The following TOX2 variants were observed in gnomAD, a reference collection of about 807,000 sequenced individuals.
TOX2 encodes granulosa cell HMG box 1.
A neutral mutation model predicts 47.4 loss-of-function variants in TOX2; 15 were observed. That is an observed-to-expected ratio of 0.32 (90% CI 0.21 to 0.49). TOX2 has a LOEUF of 0.49. Among genes scored for constraint, TOX2 ranks in the 20% least tolerant of loss-of-function variants. The probability of loss-of-function intolerance (pLI) is 0.99; values close to 1 mark genes in which losing one functional copy is unlikely to be tolerated. For synonymous variants in TOX2, 290 were observed against 296.6 expected, an observed-to-expected ratio of 0.98 and a Z score of 0.23; for missense variants, 622 against 673.1, an observed-to-expected ratio of 0.92 and a Z score of 0.84.
chr20:44,002,256 A>G (rs1167445621), intron 2 of TOX2, among the ~76,000 whole-genome samples: 1 of 152,126 alleles, frequency 6.6e-6, no homozygotes, highest in East Asian at 1.9e-4. Context: ...ATAGTATCAT[A>G]ATATTCATGA....
intron 3 of TOX2, among the ~76,000 whole-genome samples, chr20:44,017,765 A>G (rs1322628083): frequency 6.6e-6 from 1 of 152,208 alleles, no homozygotes; most frequent in Non-Finnish European, 1.5e-5. Context: ...TTGCCATTTT[A>G]CAGATGAGAA....
chr20:43,920,384 G>A (rs1408392840), intron 1 of TOX2, among the ~76,000 whole-genome samples: 3 of 152,296 alleles, frequency 2.0e-5, no homozygotes, highest in African/African-American at 2.4e-5. Context: ...AGGCCTGCCC[G>A]GCATACTTGG....
chr20:43,926,229 C>G (rs1222225132), intron 1 of TOX2, among the ~76,000 whole-genome samples: 1 of 152,108 alleles, frequency 6.6e-6, no homozygotes, highest in Non-Finnish European at 1.5e-5. Flanking sequence ...ATTTATTCTG[C>G]AAATATTTCC....
chr20:43,928,997 A>AAAAAACAAC (rs540054093), intron 1 of TOX2, among the ~76,000 whole-genome samples: 6 of 149,674 alleles, frequency 4.0e-5, no homozygotes, highest in African/African-American at 1.5e-4. Flanking sequence ...AAAAAAAAAA[A>AAAAAACAAC]AACAACAACA....
At chr20:43,982,798 A>T (rs1331252330) in intron 2 of TOX2, among the ~76,000 whole-genome samples, 1 of 151,124 alleles carries the variant, frequency 6.6e-6, no homozygotes, top group Non-Finnish European at 1.5e-5. Flanking sequence ...TTATAGGGAC[A>T]ATCAGCAGGG....
At chr20:43,917,725 G>A (rs1351135425) in intron 1 of TOX2, among the ~76,000 whole-genome samples, 1 of 152,122 alleles carries the variant, frequency 6.6e-6, no homozygotes, top group Non-Finnish European at 1.5e-5. Context: ...TCTTTTGTTT[G>A]AGAAAATGCA....
chr20:43,919,616 C>T (rs914294357), intron 1 of TOX2, among the ~76,000 whole-genome samples: 4 of 152,138 alleles, frequency 2.6e-5, no homozygotes, highest in African/African-American at 9.7e-5. Flanking sequence ...GAACCCATCA[C>T]CTAGGAGTTA....
At chr20:43,925,097 G>A (rs1391765723) in intron 1 of TOX2, among the ~76,000 whole-genome samples, 1 of 152,166 alleles carries the variant, frequency 6.6e-6, no homozygotes, top group Non-Finnish European at 1.5e-5. Flanking sequence ...TCTCTTTGAA[G>A]ATGGTAATTC....
At chr20:43,931,557 G>T (rs546909360) in intron 1 of TOX2, among the ~76,000 whole-genome samples, 32 of 152,214 alleles carry the variant, frequency 2.1e-4, no homozygotes, top group Non-Finnish European at 4.3e-4. Context: ...GCTCCCTGGG[G>T]CTGGGCTGCC....
intron 1 of TOX2, among the ~76,000 whole-genome samples, chr20:43,924,666 G>A (rs1307090761): frequency 6.6e-6 from 1 of 152,336 alleles, no homozygotes; most frequent in African/African-American, 2.4e-5. Flanking sequence ...GTCACCTGTA[G>A]CCATAACATA....
At chr20:43,961,695 A>G (rs2145429906) in intron 1 of TOX2, among the ~76,000 whole-genome samples, 1 of 152,242 alleles carries the variant, frequency 6.6e-6, no homozygotes, top group South Asian at 2.1e-4. Flanking sequence ...CTTCTGAGCC[A>G]GACTGTGGGT....
chr20:44,014,601 A>G (rs1480707095), intron 3 of TOX2, among the ~76,000 whole-genome samples: 1 of 152,170 alleles, frequency 6.6e-6, no homozygotes, highest in East Asian at 1.9e-4. Context: ...CAAGGGGTTG[A>G]TCCTCCCTGA....
At chr20:44,019,975 C>T (rs529635379) in intron 3 of TOX2, among the ~76,000 whole-genome samples, 3 of 151,890 alleles carry the variant, frequency 2.0e-5, no homozygotes, top group Non-Finnish European at 4.4e-5. Flanking sequence ...TGGATCACAG[C>T]CGGCTCAGGA....
At chr20:44,045,475 T>G (rs1190137601) in intron 3 of TOX2, among the ~76,000 whole-genome samples, 2 of 152,222 alleles carry the variant, frequency 1.3e-5, no homozygotes, top group Non-Finnish European at 2.9e-5. Context: ...CTTTTGCAGT[T>G]TTCCACACTG....
At chr20:44,068,037 A>G (rs1397604736) in intron 8 of TOX2, among the ~76,000 whole-genome samples, 1 of 152,160 alleles carries the variant, frequency 6.6e-6, no homozygotes, top group Non-Finnish European at 1.5e-5. Flanking sequence ...ACCAGCGCGC[A>G]TGCCCCATTT....
chr20:44,065,282 G>A (rs1175164593), intron 6 of TOX2, among the ~76,000 whole-genome samples: 1 of 152,250 alleles, frequency 6.6e-6, no homozygotes, highest in Non-Finnish European at 1.5e-5. Context: ...AAGTGTGGCT[G>A]CGGATGCGTG....
chr20:44,024,044 A>G (rs1051248389), intron 3 of TOX2, among the ~76,000 whole-genome samples: 2 of 152,200 alleles, frequency 1.3e-5, no homozygotes, highest in Non-Finnish European at 2.9e-5. Context: ...CACTATCTTT[A>G]TAAGATGACT....
At chr20:44,020,317 G>T (rs1355026533) in intron 3 of TOX2, among the ~76,000 whole-genome samples, 1 of 152,178 alleles carries the variant, frequency 6.6e-6, no homozygotes, top group Non-Finnish European at 1.5e-5. Flanking sequence ...CCCCCCAAGG[G>T]AGGGAGAGCA....
In TOX2 at chr20:43,916,615, C is replaced by T. The variant is rs2069058339; in HGVS notation, c.99+1625C>T. The stretch of plus-strand genomic sequence containing the variant: ...ATGGAGGAAAATAGATTAAAAGTAG[C>T]AAGTGGAGTTTTCAGGGAGGAGAAG... On this transcript the variant is annotated intron_variant, in intron 1 of 8. Coordinates refer to ENST00000341197, the MANE Select transcript of TOX2 (RefSeq NM_001098797.2). The surrounding 1 kb of genome is among the most constrained non-coding windows in gnomAD (Gnocchi z 5.0). 6.6e-6 allele frequency among the ~76,000 whole-genome samples: 1 copy of T among 152,220 alleles called. No homozygotes were observed. The highest frequency in any genetic ancestry group is 2.1e-4 in the South Asian group (1 of 4,830).
Sources: gnomAD v4.1 joint callset for allele counts (sites outside exome capture counted in the v4.1 genomes callset) on GRCh38, gnomAD v4.1.1 for gene constraint, Gnocchi (gnomAD v3.1) non-coding constraint, MANE v1.5 for transcripts, NCBI Gene and HGNC (gene_info 2026-07-23, HGNC 2026-07-21) for gene names.